Variants in SMARCC1 observed in about 807,000 individuals in gnomAD.
SMARCC1 encodes the protein SWI/SNF related BAF chromatin remodeling complex subunit C1.
SMARCC1 carries 43 observed loss-of-function variants against 147.4 expected under a neutral mutation model. That is an observed-to-expected ratio of 0.29 (90% CI 0.23 to 0.38). SMARCC1 has a LOEUF of 0.38. Ranked by LOEUF, SMARCC1 falls within the 10% of genes least tolerant of loss-of-function variation. The pLI is 1.00. For synonymous variants in SMARCC1, 495 were observed against 484.4 expected (o/e 1.02, Z -0.29); for missense variants, 1,119 against 1,381.1 (o/e 0.81, Z 3.01).
At chr3:47,756,533 CAAAAAAAAAAAA>C (rs11353915) in intron 2 of SMARCC1, among the ~76,000 whole-genome samples, 8 of 83,108 alleles carry the variant, frequency 9.6e-5, no homozygotes, top group South Asian at 4.5e-4. Flanking sequence ...AACTCCGTCT[CAAAAAAAAAAAA>C]AAAAAAAAAA....
chr3:47,603,872 G>C (rs1014320614), intron 26 of SMARCC1: 1 of 358,754 alleles, frequency 2.8e-6, no homozygotes, highest in African/African-American at 2.1e-5. Flanking sequence ...TTGGTAGGAA[G>C]AAACCAAGTT....
At chr3:47,717,250 C>A (rs2106805564) in intron 7 of SMARCC1, among the ~76,000 whole-genome samples, 1 of 152,266 alleles carries the variant, frequency 6.6e-6, no homozygotes, top group Admixed American at 6.5e-5. Flanking sequence ...TGGAATCTGA[C>A]TAACCTTAGA....
chr3:47,650,193 G>A (rs1009663481), intron 21 of SMARCC1, among the ~76,000 whole-genome samples: 1 of 151,356 alleles, frequency 6.6e-6, no homozygotes, highest in Non-Finnish European at 1.5e-5. Context: ...GGAGAACGGC[G>A]AGAACCCCAG....
chr3:47,699,113 A>T lies in SMARCC1; in HGVS notation c.1165+2165T>A, dbSNP rs1012094374. The stretch of plus-strand genomic sequence containing the variant: ...AGAAAACACAGAAAAACACATTTGC[A>T]ACACTAATATAGGCAAAAAATTTCT... On this transcript the variant is annotated intron_variant, in intron 11 of 27. Coordinates refer to ENST00000254480, the MANE Select transcript of SMARCC1 (RefSeq NM_003074.4). Among the ~76,000 whole-genome samples the T allele has an allele frequency of 3.3e-5, 5 of 152,208 alleles. No homozygotes were observed. The South Asian group carries it at 1.0e-3, about 31-fold the overall frequency.
At chr3:47,668,961 A>G (rs2106746187) in intron 19 of SMARCC1, among the ~76,000 whole-genome samples, 1 of 152,316 alleles carries the variant, frequency 6.6e-6, no homozygotes, top group Admixed American at 6.5e-5. Flanking sequence ...TCGATTTATT[A>G]GAAAGAGACT....
chr3:47,686,606 C>A (rs1378571561), intron 13 of SMARCC1, among the ~76,000 whole-genome samples: 3 of 151,858 alleles, frequency 2.0e-5, no homozygotes, highest in Admixed American at 6.6e-5. Flanking sequence ...ATTTTAAATA[C>A]TTTTTTTGAT....
intron 21 of SMARCC1, among the ~76,000 whole-genome samples, chr3:47,644,083 G>A (rs1015742531): frequency 1.3e-5 from 2 of 152,134 alleles, no homozygotes; most frequent in Admixed American, 6.6e-5. Context: ...TTGGGAGGCC[G>A]AGGAAAAGGG....
chr3:47,730,282 G>A (rs1288724949), intron 5 of SMARCC1, among the ~76,000 whole-genome samples: 1 of 152,192 alleles, frequency 6.6e-6, no homozygotes, highest in Non-Finnish European at 1.5e-5. Context: ...GAGCCTAGGA[G>A]TTCAAGACTA....
At chr3:47,598,083 A>G (rs2032319926) in intron 26 of SMARCC1, among the ~76,000 whole-genome samples, 1 of 152,210 alleles carries the variant, frequency 6.6e-6, no homozygotes, top group African/African-American at 2.4e-5. Context: ...TTAAGGTGGT[A>G]CTGTCCCAGC....
At chr3:47,762,832 C>T (rs1276059837) in intron 2 of SMARCC1, among the ~76,000 whole-genome samples, 1 of 151,954 alleles carries the variant, frequency 6.6e-6, no homozygotes, top group Non-Finnish European at 1.5e-5. Flanking sequence ...TTTGGGAGGC[C>T]GAGGCGGGCA....
At chr3:47,665,502 C>T (rs2033409335) in intron 19 of SMARCC1, among the ~76,000 whole-genome samples, 2 of 151,972 alleles carry the variant, frequency 1.3e-5, no homozygotes, top group African/African-American at 2.4e-5. Context: ...ATGTTCCTTT[C>T]GCCAGGGAAC....
chr3:47,758,351 G>T (rs554007200), intron 2 of SMARCC1, among the ~76,000 whole-genome samples: 1 of 150,670 alleles, frequency 6.6e-6, no homozygotes, highest in South Asian at 2.1e-4. Flanking sequence ...GAACTCCTGG[G>T]CTCAAGCAAT....
chr3:47,590,843 G>A lies in SMARCC1; in HGVS notation c.3044-6C>T, dbSNP rs891620799. 6.2e-7 allele frequency: 1 copy of A among 1,600,522 alleles called. No homozygotes were observed. The highest frequency in any genetic ancestry group is 8.5e-7 in the Non-Finnish European group (1 of 1,174,966). On this transcript the variant is annotated splice_region_variant and splice_polypyrimidine_tract_variant and intron_variant, in intron 26 of 27. Coordinates refer to ENST00000254480, the MANE Select transcript of SMARCC1 (RefSeq NM_003074.4). Reference sequence around the variant, plus strand: ...ACCTGGGCCTGGTATCTGACCTGTGGAGGGAGATTTAAAGTACTGTAAGTA... The same window carrying A: ...ACCTGGGCCTGGTATCTGACCTGTGAAGGGAGATTTAAAGTACTGTAAGTA...
chr3:47,600,505 G>A (rs1254483813), intron 26 of SMARCC1, among the ~76,000 whole-genome samples: 2 of 152,184 alleles, frequency 1.3e-5, no homozygotes, highest in Non-Finnish European at 2.9e-5. Context: ...CTAGTTTTGA[G>A]ATAAGGAAAC....
intron 15 of SMARCC1, among the ~76,000 whole-genome samples, chr3:47,679,952 T>C (rs1370678918): frequency 6.6e-6 from 1 of 151,896 alleles, no homozygotes; most frequent in African/African-American, 2.4e-5. Context: ...AAATCCAAAC[T>C]TTAACTCTAA....
Position 47,706,515 on chromosome 3 carries a change from C to T in SMARCC1, c.934G>A (p.Glu312Lys). 1.3e-6 allele frequency: 2 copies of T among 1,578,366 alleles called. No homozygotes were observed. Among genetic ancestry groups the T allele is most frequent in the Non-Finnish European group, 1.7e-6 (2 of 1,166,124 alleles). Residue 312 changes from glutamate (E) to lysine (K), a missense_variant, in exon 10 of 28, where the codon GAA becomes AAA. Glu to Lys is a moderately conservative substitution (Grantham distance 56). Around this residue, in one of 6 missense-constraint regions of SMARCC1, gnomAD observed 542 missense variants for 611.8 expected, o/e 0.89. Transcript: ENST00000254480. ...TKNEEPVRSP[E>K]RRDRKASANA... ...GCTGATGCTTTTCTATCTCTTCTTT[C>T]TGGACTTCTGACTGGCTAGGAAGAA...
intron 17 of SMARCC1, among the ~76,000 whole-genome samples, 179 bp from the exon 18 acceptor site, chr3:47,675,767 G>A (rs1053227660): frequency 1.3e-5 from 2 of 152,008 alleles, no homozygotes; most frequent in African/African-American, 4.8e-5. Context: ...CCAACGTGGT[G>A]AAACCCGTCT....
At chr3:47,652,922 T>C (rs1173494914) in intron 21 of SMARCC1, among the ~76,000 whole-genome samples, 1 of 151,818 alleles carries the variant, frequency 6.6e-6, no homozygotes, top group South Asian at 2.1e-4. Context: ...GTAAGAGGTG[T>C]TTTGAGTGTT....
intron 26 of SMARCC1, among the ~76,000 whole-genome samples, chr3:47,598,017 A>G (rs1172760483): frequency 6.6e-6 from 1 of 152,214 alleles, no homozygotes; most frequent in Non-Finnish European, 1.5e-5. Context: ...GCAGTGGCAA[A>G]CAGAGACTTA....
Sources: allele counts gnomAD v4.1 joint callset (sites outside exome capture counted in the v4.1 genomes callset), GRCh38; gene constraint gnomAD v4.1.1; regional missense constraint gnomAD v4.1.1; transcripts MANE v1.5; gene names NCBI Gene and HGNC (gene_info 2026-07-23, HGNC 2026-07-21).